Variants in SLC12A7 observed in about 807,000 individuals in gnomAD.
The protein encoded by SLC12A7 is solute carrier family 12 member 7, also known as K-Cl cotransporter 4.
Under a neutral mutation model 120.6 loss-of-function variants are expected in SLC12A7, and 100 were observed. The observed-to-expected ratio is 0.83, with a 90% CI of 0.71 to 0.98. The LOEUF is 0.98. Ranked by LOEUF, SLC12A7 falls within the 50% of genes least tolerant of loss-of-function variation. The pLI is 0.00. For synonymous variants in SLC12A7, 760 were observed against 678.0 expected (o/e 1.12, Z -1.88); for missense variants, 1,373 against 1,548.1 (o/e 0.89, Z 1.90).
intron 12 of SLC12A7, 57 bp downstream of exon 12, chr5:1,077,773 GGGA>G: frequency 6.8e-7 from 1 of 1,471,882 alleles, no homozygotes; most frequent in Non-Finnish European, 9.1e-7. Context: ...GATCCCGCAG[GGGA>G]GGAGAGCCCC....
At chr5:1,150,609 C>T in the SLC12A7 span, among the ~76,000 whole-genome samples, 1 of 152,224 alleles carries the variant, frequency 6.6e-6, no homozygotes, top group Non-Finnish European at 1.5e-5. Flanking sequence ...TAGCAAAGAA[C>T]AGAAAGGATG....
the SLC12A7 span, among the ~76,000 whole-genome samples, chr5:1,148,129 C>T: frequency 2.0e-5 from 3 of 151,978 alleles, no homozygotes; most frequent in East Asian, 3.9e-4. Flanking sequence ...CATGGTCACT[C>T]ACATTGGCTC....
intron 9 of SLC12A7, among the ~76,000 whole-genome samples, chr5:1,080,051 C>G (rs1738830191): frequency 6.6e-6 from 1 of 152,224 alleles, no homozygotes; most frequent in African/African-American, 2.4e-5. Flanking sequence ...CGGTCCCATC[C>G]AAGGCGCAGC....
intron 17 of SLC12A7, among the ~76,000 whole-genome samples, chr5:1,066,066 C>T (rs1412805529): frequency 3.3e-5 from 5 of 152,132 alleles, no homozygotes; most frequent in Admixed American, 1.3e-4. Context: ...CGTGCGTGGC[C>T]GAGGACCTGC....
chr5:1,155,549 G>A, the SLC12A7 span, among the ~76,000 whole-genome samples: 1 of 151,744 alleles, frequency 6.6e-6, no homozygotes, highest in Non-Finnish European at 1.5e-5. Flanking sequence ...GGGCTCCGCT[G>A]GGCTGGGGGG....
Position 1,098,761 on chromosome 5 carries a change from CCCCTCTAACCCTCTGCTCACCCAGCCA to C in SLC12A7, c.125-4540_125-4514del, listed in dbSNP as rs1387673408. Among the ~76,000 whole-genome samples the C allele has an allele frequency of 4.1e-4, 48 of 118,478 alleles. 4 individuals carry two copies. Among genetic ancestry groups the C allele is most frequent in the African/African-American group, 8.3e-4 (28 of 33,596 alleles). The allele number at this position is 118,478 out of a possible 152,430, so 77.7% of individuals were successfully genotyped here. A position where few individuals can be genotyped will look rare whatever the true frequency, so the allele number is the denominator to read the frequency against. On this transcript the variant is annotated intron_variant, in intron 1 of 23. Coordinates refer to ENST00000264930, the MANE Select transcript of SLC12A7 (RefSeq NM_006598.3). ...CCTCTAACCCTCTGCACACCCAGCC[CCCCTCTAACCCTCTGCTCACCCAGCCA>C]CCCTCTAACCCTCTGCTCACCCAGC...
the SLC12A7 span, among the ~76,000 whole-genome samples, chr5:1,150,919 C>T: frequency 6.6e-6 from 1 of 152,256 alleles, no homozygotes; most frequent in African/African-American, 2.4e-5. Context: ...TCTGATTTTC[C>T]CAACAAGGAG....
intron 1 of SLC12A7, among the ~76,000 whole-genome samples, chr5:1,104,803 G>C (rs1409980695): frequency 1.3e-5 from 2 of 152,234 alleles, no homozygotes; most frequent in Non-Finnish European, 2.9e-5. Flanking sequence ...TCCTCAAAAA[G>C]ACACCGCCCA....
the SLC12A7 span, among the ~76,000 whole-genome samples, chr5:1,148,696 G>A: frequency 1.3e-5 from 2 of 152,326 alleles, no homozygotes; most frequent in East Asian, 3.9e-4. Flanking sequence ...AGTGGGTACA[G>A]GGACACGGAA....
At chr5:1,151,040 C>T in the SLC12A7 span, among the ~76,000 whole-genome samples, 1 of 152,242 alleles carries the variant, frequency 6.6e-6, no homozygotes, top group Non-Finnish European at 1.5e-5. The surrounding 1 kb of genome is among the most constrained non-coding windows in gnomAD (Gnocchi z 6.2). Flanking sequence ...GGAGGGCGGC[C>T]TTGGGAGCTG....
At chr5:1,098,236 A>T (rs201200165) in intron 1 of SLC12A7, among the ~76,000 whole-genome samples, 600 of 21,468 alleles carry the variant, frequency 0.028, no homozygotes, top group Middle Eastern at 0.083. Context: ...AACCCTCTGC[A>T]CACCCAGCCC....
chr5:1,088,922 C>A, intron 4 of SLC12A7, 60 bp downstream of exon 4: 1 of 1,600,516 alleles, frequency 6.2e-7, no homozygotes, highest in Non-Finnish European at 8.5e-7. Context: ...CTGGGGAGAG[C>A]CCTACTGTCC....
intron 8 of SLC12A7, 33 bp from the exon 9 acceptor site, chr5:1,081,777 G>A: frequency 6.3e-7 from 1 of 1,598,426 alleles, no homozygotes; most frequent in Non-Finnish European, 8.5e-7. Flanking sequence ...TGGGTTTCTG[G>A]CACCTTCTGT....
intron 11 of SLC12A7, 51 bp from the exon 12 acceptor site, chr5:1,078,058 TCAGA>T (rs1738576564): frequency 6.6e-7 from 1 of 1,514,194 alleles, no homozygotes; most frequent in African/African-American, 1.4e-5. Flanking sequence ...TGAGCCTGAG[TCAGA>T]CAAAATGTCT....
the SLC12A7 span, among the ~76,000 whole-genome samples, chr5:1,143,235 G>A: frequency 3.3e-5 from 5 of 152,224 alleles, no homozygotes; most frequent in Admixed American, 2.0e-4. Flanking sequence ...CAGTCCTGTC[G>A]GATAAGGGGC....
chr5:1,081,867 C>T (rs1739164308), intron 8 of SLC12A7, 123 bp from the exon 9 acceptor site: 1 of 1,138,122 alleles, frequency 8.8e-7, no homozygotes, highest in Non-Finnish European at 1.2e-6. Flanking sequence ...AGCTTGTGCG[C>T]CGCAAGCAGG....
the SLC12A7 span, among the ~76,000 whole-genome samples, chr5:1,121,950 T>G: frequency 6.6e-6 from 1 of 152,152 alleles, no homozygotes; most frequent in East Asian, 1.9e-4. Flanking sequence ...CTAGGCCTGC[T>G]TCATGCCAGG....
At chr5:1,135,519 G>A in the SLC12A7 span, among the ~76,000 whole-genome samples, 15 of 152,328 alleles carry the variant, frequency 9.8e-5, no homozygotes, top group African/African-American at 3.4e-4. Context: ...GGGATCCAGG[G>A]TGGCCATGGA....
At chr5:1,106,182 G>C (rs1742514443) in intron 1 of SLC12A7, among the ~76,000 whole-genome samples, 1 of 152,226 alleles carries the variant, frequency 6.6e-6, no homozygotes, top group Admixed American at 6.5e-5. Context: ...GCCAGATATG[G>C]TGGCTCACTC....
Sources: gnomAD v4.1 joint callset for allele counts (sites outside exome capture counted in the v4.1 genomes callset) on GRCh38, gnomAD v4.1.1 for gene constraint, Gnocchi (gnomAD v3.1) non-coding constraint, MANE v1.5 for transcripts, NCBI Gene and HGNC (gene_info 2026-07-23, HGNC 2026-07-21) for gene names.